SATB2: variants seen among roughly 807,000 people sequenced by gnomAD.
SATB2 encodes the protein SATB homeobox 2, also known as DNA-binding protein SATB2.
A neutral mutation model predicts 73.4 loss-of-function variants in SATB2; 1 was observed. The ratio of observed to expected loss-of-function variants is 0.01; its 90% confidence interval spans 0.00 to 0.06. SATB2 has a LOEUF of 0.06. Among genes scored for constraint, SATB2 ranks in the 10% least tolerant of loss-of-function variants. The pLI, the probability that SATB2 is intolerant of heterozygous loss-of-function variation, is 1.00. For missense variants in SATB2, 459 were observed against 945.8 expected (o/e 0.49, Z 6.75); for synonymous variants, 397 against 367.0 (o/e 1.08, Z -0.93).
At chr2:199,356,107 A>T (rs1393710327) in intron 6 of SATB2, among the ~76,000 whole-genome samples, 2 of 151,762 alleles carry the variant, frequency 1.3e-5, no homozygotes, top group Non-Finnish European at 2.9e-5. Context: ...AGCCATTAAG[A>T]TGCTTATGCA....
chr2:199,326,199 GA>G (rs1337509238), intron 8 of SATB2: 3 of 152,092 alleles, frequency 2.0e-5, no homozygotes. Flanking sequence ...CAGTAATCAT[GA>G]AATGTTTTAA....
chr2:199,366,032 A>G (rs969864355), intron 6 of SATB2, among the ~76,000 whole-genome samples: 4 of 152,174 alleles, frequency 2.6e-5, no homozygotes, highest in Non-Finnish European at 4.4e-5. Flanking sequence ...AGACATTAGC[A>G]GATAATAGGA....
At chr2:199,421,132 G>C (rs1477796284) in intron 3 of SATB2, among the ~76,000 whole-genome samples, 1 of 152,096 alleles carries the variant, frequency 6.6e-6, no homozygotes, top group Non-Finnish European at 1.5e-5. Context: ...AATCAGAATG[G>C]AGCCAATGAC....
intron 10 of SATB2, among the ~76,000 whole-genome samples, chr2:199,307,314 A>G (rs895809881): frequency 3.3e-5 from 5 of 152,204 alleles, no homozygotes; most frequent in Non-Finnish European, 7.3e-5. Context: ...GAAAGCCTAC[A>G]TTGGGCCCCT....
At chr2:199,388,815 G>A (rs949378781) in intron 3 of SATB2, among the ~76,000 whole-genome samples, 1 of 151,896 alleles carries the variant, frequency 6.6e-6, no homozygotes, top group Non-Finnish European at 1.5e-5. Flanking sequence ...TCTGGTTCTC[G>A]GTATTATTTC....
At chr2:199,381,888 A>T in intron 3 of SATB2, 68 bp from the exon 4 acceptor site, 1 of 1,560,182 alleles carries the variant, frequency 6.4e-7, no homozygotes, top group Non-Finnish European at 8.8e-7. Flanking sequence ...TTGTTTGTTC[A>T]ATGTTAAGAA....
At chr2:199,350,948 C>T (rs1688796988) in intron 6 of SATB2, among the ~76,000 whole-genome samples, 1 of 148,958 alleles carries the variant, frequency 6.7e-6, no homozygotes, top group Non-Finnish European at 1.5e-5. Context: ...GCTTGAACCC[C>T]AGGAGGCAGA....
chr2:199,404,352 T>TA (rs1690571657), intron 3 of SATB2, among the ~76,000 whole-genome samples: 1 of 152,202 alleles, frequency 6.6e-6, no homozygotes, highest in South Asian at 2.1e-4. Flanking sequence ...AGAAAAAACA[T>TA]AAGTGGCACC....
chr2:199,323,976 A>C lies in SATB2; in HGVS notation c.1387-18T>G. The C allele has an allele frequency of 6.2e-7, 1 of 1,613,198 alleles. No individual in the cohort carries two copies. The highest frequency in any genetic ancestry group is 8.5e-7 in the Non-Finnish European group (1 of 1,179,356). On this transcript the variant is annotated intron_variant, in intron 8 of 10. Transcript: ENST00000417098. The stretch of plus-strand genomic sequence containing the variant: ...GTTTTGGCCTACCAAGAGACCATGA[A>C]AATAATAATTTAAAAAGTGCTGCAT...
At chr2:199,403,975 C>G (rs758324945) in intron 3 of SATB2, among the ~76,000 whole-genome samples, 14 of 152,110 alleles carry the variant, frequency 9.2e-5, no homozygotes, top group African/African-American at 1.4e-4. Flanking sequence ...TTTATTATTC[C>G]TGGCTGGAGA....
chr2:199,419,618 G>A (rs1168554314), intron 3 of SATB2, among the ~76,000 whole-genome samples: 1 of 152,166 alleles, frequency 6.6e-6, no homozygotes, highest in Non-Finnish European at 1.5e-5. Context: ...CTGTCATCTT[G>A]TAGCATACTC....
At chr2:199,364,528 T>A (rs758345020) in intron 6 of SATB2, among the ~76,000 whole-genome samples, 1 of 152,134 alleles carries the variant, frequency 6.6e-6, no homozygotes, top group Non-Finnish European at 1.5e-5. Context: ...TTAAGACAAC[T>A]AACAATCAGA....
chr2:199,431,538 T>A (rs942673320), intron 3 of SATB2, among the ~76,000 whole-genome samples: 11 of 152,204 alleles, frequency 7.2e-5, no homozygotes, highest in African/African-American at 2.7e-4. Context: ...ATTTTAGCCT[T>A]AATATTCAAA....
At chr2:199,430,375 G>A (rs912734683) in intron 3 of SATB2, among the ~76,000 whole-genome samples, 2 of 152,070 alleles carry the variant, frequency 1.3e-5, no homozygotes, top group African/African-American at 4.8e-5. Context: ...TTAGACCTCA[G>A]TCCAGCTATT....
At chr2:199,273,681 ATAAAC>A (rs1369170390) in intron 10 of SATB2, among the ~76,000 whole-genome samples, 43 of 152,238 alleles carry the variant, frequency 2.8e-4, no homozygotes, top group African/African-American at 1.0e-3. Context: ...CAAAATCACT[ATAAAC>A]TAATTAATCC....
chr2:199,278,715 C>T (rs1342784928), intron 10 of SATB2, among the ~76,000 whole-genome samples: 6 of 152,144 alleles, frequency 3.9e-5, no homozygotes, highest in South Asian at 2.1e-4. Flanking sequence ...TAATATAGCA[C>T]TGGATTTTTA....
At chr2:199,392,429 A>G (rs891721809) in intron 3 of SATB2, among the ~76,000 whole-genome samples, 1 of 151,748 alleles carries the variant, frequency 6.6e-6, no homozygotes, top group African/African-American at 2.4e-5. Context: ...AAAAAAAAAT[A>G]GTTTCTTGTG....
intron 6 of SATB2, among the ~76,000 whole-genome samples, chr2:199,352,806 C>CA (rs1029926652): frequency 6.6e-6 from 1 of 151,754 alleles, no homozygotes; most frequent in Non-Finnish European, 1.5e-5. Context: ...TTTTGAAAAA[C>CA]AAAAAATCTG....
intron 10 of SATB2, among the ~76,000 whole-genome samples, chr2:199,283,530 T>A (rs1457136352): frequency 6.1e-5 from 9 of 147,520 alleles, no homozygotes. Flanking sequence ...CATCTGCAAA[T>A]TTCAGCAAAG....
Sources: allele counts gnomAD v4.1 joint callset (sites outside exome capture counted in the v4.1 genomes callset), GRCh38; gene constraint gnomAD v4.1.1; transcripts MANE v1.5; gene names NCBI Gene and HGNC (gene_info 2026-07-23, HGNC 2026-07-21).